Variants in PLD1 observed in about 807,000 individuals in gnomAD.
PLD1 encodes the protein choline phosphatase 1.
Under a neutral mutation model 137.1 loss-of-function variants are expected in PLD1, and 112 were observed. The observed-to-expected ratio is 0.82, with a 90% CI of 0.70 to 0.96. The LOEUF (loss-of-function observed/expected upper bound fraction) is 0.96. Among genes scored for constraint, PLD1 ranks in the 40% least tolerant of loss-of-function variants. The pLI is 0.00. For synonymous variants in PLD1, 431 were observed against 454.7 expected (o/e 0.95, Z 0.66); for missense variants, 1,321 against 1,342.0 (o/e 0.98, Z 0.24).
Position 171,797,419 on chromosome 3 carries a change from T to C in PLD1, c.-32+12980A>G, listed in dbSNP as rs142334301. ...CCCCAAACCAGCAGCATCAGCATTA[T>C]CTCGGAGCTTGTTAGAATTGCAAAT... is the stretch of plus-strand genomic sequence containing the variant. On this transcript the variant is annotated intron_variant, in intron 1 of 26. Coordinates refer to ENST00000351298, the MANE Select transcript of PLD1 (RefSeq NM_002662.5). Among the ~76,000 whole-genome samples, 391 of 152,344 alleles carry C rather than the reference T, an allele frequency of 2.6e-3. 3 individuals carry two copies. Among genetic ancestry groups the C allele is most frequent in the African/African-American group, 8.6e-3 (356 of 41,578 alleles).
rs34340739 is a variant in PLD1 at position 171,697,237 on chromosome 3, CT to C, written c.1227+2507del. 6.1e-3 allele frequency among the ~76,000 whole-genome samples: 598 copies of C among 97,316 alleles called. 1 individual carries two copies. Among genetic ancestry groups the C allele is most frequent in the Middle Eastern group, 0.013 (2 of 154 alleles). 63.8% of individuals were successfully genotyped at this position (97,316 alleles called of 152,430 possible). ...ACTATCAGAGTCACCTTCCGGACAC[CT>C]TTTTTTTTTTTTTTTTTTTTTTTTG... On this transcript the variant is annotated intron_variant, in intron 12 of 26. Transcript: ENST00000351298.
intron 21 of PLD1, 145 bp downstream of exon 21, chr3:171,659,068 C>G: frequency 1.5e-6 from 1 of 654,104 alleles, no homozygotes; most frequent in Non-Finnish European, 2.8e-6. Context: ...CTGACTCAGA[C>G]TAAAGGCATC....
intron 1 of PLD1, chr3:171,792,418 T>C: frequency 5.5e-6 from 2 of 363,726 alleles, no homozygotes; most frequent in Non-Finnish European, 1.1e-5. Flanking sequence ...GAGATTCTTA[T>C]ATTCTGGGAA....
chr3:171,765,283 G>A (rs1233802758), intron 1 of PLD1: 1 of 152,180 alleles, frequency 6.6e-6, no homozygotes, highest in Non-Finnish European at 1.5e-5. Context: ...GTCACTCCAT[G>A]AGGCTGCCGT....
chr3:171,642,703 T>C (rs1316598695), intron 23 of PLD1, 137 bp downstream of exon 23: 1 of 590,038 alleles, frequency 1.7e-6, no homozygotes, highest in Non-Finnish European at 3.0e-6. Context: ...GAATAAATAC[T>C]TTATTACAGG....
rs1719306458 is a variant in PLD1, at chr3:171,735,694, C to T, written c.289-57G>A. ...TAGATAACAACAAAAATTCCAAAAGCTTTCAGTGAACAATATTTAACTAGT... is the reference window on the plus strand; with the variant it reads ...TAGATAACAACAAAAATTCCAAAAGTTTTCAGTGAACAATATTTAACTAGT... On this transcript the variant is annotated intron_variant, in intron 3 of 26. Transcript: ENST00000351298. 62 of 995,298 alleles carry T rather than the reference C, an allele frequency of 6.2e-5. 1 individual carries two copies. In the South Asian group the frequency reaches 8.1e-4, roughly 13 times the overall value. 61.7% of individuals were successfully genotyped at this position (995,298 alleles called of 1,614,324 possible).
At chr3:171,714,712 A>G (rs1717541038) in intron 8 of PLD1, among the ~76,000 whole-genome samples, 1 of 152,204 alleles carries the variant, frequency 6.6e-6, no homozygotes, top group East Asian at 1.9e-4. Flanking sequence ...AATTTAATGT[A>G]GACAGACCTA....
At chr3:171,637,279 A>T (rs1378316365) in intron 23 of PLD1, among the ~76,000 whole-genome samples, 2 of 152,194 alleles carry the variant, frequency 1.3e-5, no homozygotes, top group Non-Finnish European at 2.9e-5. Flanking sequence ...CTCTGTCACC[A>T]GGCTGGAGTG....
rs767192395 is a variant in PLD1 at position 171,724,818 on chromosome 3, C to T, written c.666-30G>A. 1.8e-5 allele frequency: 25 copies of T among 1,385,598 alleles called. No individual in the cohort carries two copies. In the South Asian group the frequency reaches 2.8e-4, roughly 15 times the overall value. The allele number at this position is 1,385,598 out of a possible 1,614,324, so 85.8% of individuals were successfully genotyped here. ...AAGAGACAGAAAATTAACCCATCAC[C>T]TTCAAATTTCCCACTCCCACTTAGC... On this transcript the variant is annotated intron_variant, in intron 7 of 26. Transcript: ENST00000351298.
intron 1 of PLD1, among the ~76,000 whole-genome samples, chr3:171,790,977 T>G (rs1375672100): frequency 6.6e-6 from 1 of 152,258 alleles, no homozygotes; most frequent in Non-Finnish European, 1.5e-5. Flanking sequence ...TTATCAGGAA[T>G]AGCTGTATTT....
At chr3:171,793,818 A>G (rs535904669) in intron 1 of PLD1, 1 of 152,162 alleles carries the variant, frequency 6.6e-6, no homozygotes, top group African/African-American at 2.4e-5. Context: ...GCCTCACTTC[A>G]TCTTCACACA....
intron 1 of PLD1, among the ~76,000 whole-genome samples, chr3:171,782,182 A>C (rs1029900968): frequency 6.6e-6 from 1 of 152,248 alleles, no homozygotes; most frequent in African/African-American, 2.4e-5. Context: ...TAGAAAGGCA[A>C]AAATAACATA....
chr3:171,691,427 G>A lies in PLD1; in HGVS notation c.1338+905C>T, dbSNP rs1009298373. ...TCTTGTTTTGTTTGGTTGATTTTTT[G>A]TAGTGACATGTTTAAATTCCTTTCT... On this transcript the variant is annotated intron_variant, in intron 13 of 26. Transcript: ENST00000351298. Among the ~76,000 whole-genome samples, 11 of 149,580 alleles carry A rather than the reference G, an allele frequency of 7.4e-5. No individual in the cohort carries two copies. The South Asian group carries it at 8.4e-4, about 11-fold the overall frequency.
chr3:171,794,080 G>T (rs1723330283), intron 1 of PLD1: 1 of 151,664 alleles, frequency 6.6e-6, no homozygotes, highest in African/African-American at 2.4e-5. Flanking sequence ...GGAGGTGGAG[G>T]TTGCGGTGAG....
At chr3:171,663,756 A>C (rs919645570) in intron 19 of PLD1, among the ~76,000 whole-genome samples, 11 of 152,244 alleles carry the variant, frequency 7.2e-5, no homozygotes, top group African/African-American at 2.2e-4. Flanking sequence ...AAGAATTAGT[A>C]TAAAAATAAT....
chr3:171,744,651 CTCT>C (rs1720018925), intron 1 of PLD1, among the ~76,000 whole-genome samples: 1 of 152,226 alleles, frequency 6.6e-6, no homozygotes. Context: ...AACTCACGTT[CTCT>C]TTTTTTCCCC....
chr3:171,626,787 C>G (rs561185556), intron 23 of PLD1, among the ~76,000 whole-genome samples: 1 of 152,282 alleles, frequency 6.6e-6, no homozygotes, highest in South Asian at 2.1e-4. Flanking sequence ...AAATACTTTA[C>G]AGACAAGCAA....
chr3:171,664,665 G>A (rs1711903585), intron 19 of PLD1, among the ~76,000 whole-genome samples: 1 of 151,892 alleles, frequency 6.6e-6, no homozygotes, highest in Non-Finnish European at 1.5e-5. Flanking sequence ...TGCCATGTTG[G>A]CCAGGCTGGT....
chr3:171,601,938 C>T lies in PLD1; in HGVS notation c.*1140G>A, dbSNP rs903390566. The T allele has an allele frequency of 1.6e-4, 24 of 152,082 alleles. No homozygotes were observed. The highest frequency in any genetic ancestry group is 4.3e-4 in the African/African-American group (18 of 41,404). The allele number at this position is 152,082 out of a possible 1,614,324, so 9.4% of individuals were successfully genotyped here. ...CTTCACTGGAAGCCCTGGTGAGAGG[C>T]GTTAATACATATTTAATAATGTAAG... On this transcript the variant is annotated 3_prime_UTR_variant, in exon 27 of 27. Coordinates refer to ENST00000351298, the MANE Select transcript of PLD1 (RefSeq NM_002662.5).
Sources: allele counts gnomAD v4.1 joint callset (sites outside exome capture counted in the v4.1 genomes callset), GRCh38; gene constraint gnomAD v4.1.1; transcripts MANE v1.5; gene names NCBI Gene and HGNC (gene_info 2026-07-23, HGNC 2026-07-21).